The following LRCH3 variants were observed in gnomAD, a reference collection of about 807,000 sequenced individuals.
LRCH3 encodes the protein leucine rich repeats and calponin homology domain containing 3.
A neutral mutation model predicts 104.5 loss-of-function variants in LRCH3; 68 were observed. That is an observed-to-expected ratio of 0.65 (90% confidence interval 0.54 to 0.80). The LOEUF (loss-of-function observed/expected upper bound fraction) is 0.80, where lower values mean the gene tolerates loss of function less well. Among genes scored for constraint, LRCH3 ranks in the 30% least tolerant of loss-of-function variants. LRCH3 has a pLI of 0.00. For synonymous variants in LRCH3, 344 were observed against 361.3 expected (o/e 0.95, Z 0.54); for missense variants, 951 against 953.9 (o/e 1.00, Z 0.04).
chr3:197,805,158 G>T (rs1189853069), intron 1 of LRCH3, among the ~76,000 whole-genome samples: 1 of 152,204 alleles, frequency 6.6e-6, no homozygotes, highest in African/African-American at 2.4e-5. Context: ...CTCCCAAAGT[G>T]CTGGGATTAC....
chr3:197,865,237 C>T (rs997841201), intron 15 of LRCH3, among the ~76,000 whole-genome samples, 186 bp from the exon 16 acceptor site: 1 of 152,222 alleles, frequency 6.6e-6, no homozygotes, highest in East Asian at 1.9e-4. Context: ...ATCCTCGCAC[C>T]TCAGCCTCCC....
At chr3:197,813,228 C>T (rs1014612339) in intron 1 of LRCH3, among the ~76,000 whole-genome samples, 2 of 152,146 alleles carry the variant, frequency 1.3e-5, no homozygotes, top group African/African-American at 2.4e-5. Flanking sequence ...CTTTGTGTTA[C>T]AAACAATCCA....
At chr3:197,870,097 G>T (rs1711957313) in intron 17 of LRCH3, 63 bp from the exon 18 acceptor site, 1 of 1,561,434 alleles carries the variant, frequency 6.4e-7, no homozygotes, top group Non-Finnish European at 8.8e-7. Flanking sequence ...TGATGAGGCA[G>T]AGCCGGATGT....
intron 6 of LRCH3, 95 bp from the exon 7 acceptor site, chr3:197,830,675 C>T (rs1372535453): frequency 1.0e-6 from 1 of 953,138 alleles, no homozygotes; most frequent in Admixed American, 2.2e-5. Context: ...AAGTGACTGC[C>T]ACATTTCTTG....
chr3:197,835,636 T>TGG (rs1736680109), intron 8 of LRCH3, 38 bp from the exon 9 acceptor site: 2 of 1,036,026 alleles, frequency 1.9e-6, no homozygotes, highest in African/African-American at 3.3e-5. Flanking sequence ...TTTTTTCTGG[T>TGG]GTGTGTGTGT....
At chr3:197,858,372 G>T (rs1740516881) in intron 14 of LRCH3, among the ~76,000 whole-genome samples, 1 of 152,042 alleles carries the variant, frequency 6.6e-6, no homozygotes, top group Non-Finnish European at 1.5e-5. Context: ...TGAAATGCCG[G>T]TTCCTCCTTT....
intron 4 of LRCH3, among the ~76,000 whole-genome samples, chr3:197,824,834 T>G (rs1734959613): frequency 6.6e-6 from 1 of 152,130 alleles, no homozygotes; most frequent in Non-Finnish European, 1.5e-5. Flanking sequence ...CCTCCCAAAG[T>G]GCTGGGATTA....
chr3:197,883,339 A>C lies in LRCH3; in HGVS notation c.2209-202A>C. The C allele has an allele frequency of 7.3e-7, 1 of 1,371,094 alleles. No homozygotes were observed. Among genetic ancestry groups the C allele is most frequent in the South Asian group, 1.6e-5 (1 of 60,870 alleles). The allele number at this position is 1,371,094 out of a possible 1,614,324, so 84.9% of individuals were successfully genotyped here. A position where few individuals can be genotyped will look rare whatever the true frequency, so the allele number is the denominator to read the frequency against. ...TTGAAAATGATCTGTATGTACTTTT[A>C]GTTGTATTAATAAAGTGACAGTGAG... On this transcript the variant is annotated intron_variant, in intron 20 of 20. Coordinates refer to ENST00000425562, the MANE Select transcript of LRCH3 (RefSeq NM_001365715.1). This position sits in a 1 kb window ranked among gnomAD's most constrained non-coding sequence, Gnocchi z 4.2.
chr3:197,806,282 C>A (rs1252872047), intron 1 of LRCH3, among the ~76,000 whole-genome samples: 1 of 151,890 alleles, frequency 6.6e-6, no homozygotes, highest in African/African-American at 2.4e-5. Flanking sequence ...AAGAACATTT[C>A]TCTTTTTTCT....
At position 197,888,064 on chromosome 3, in the gene LRCH3, G is replaced by A. The variant is rs974477678; in HGVS notation, c.*4398G>A. 4 of 152,322 alleles carry A rather than the reference G, an allele frequency of 2.6e-5. No homozygotes were observed. The highest frequency in any genetic ancestry group is 1.9e-4 in the East Asian group (1 of 5,190). 9.4% of individuals were successfully genotyped at this position (152,322 alleles called of 1,614,324 possible). A position where few individuals can be genotyped will look rare whatever the true frequency, so the allele number is the denominator to read the frequency against. ...AAATACAGCTAATCAAGGAGTTTGCGATTTCTCTTACTTTCTACAGCTCAG... is the reference window on the plus strand; with the variant it reads ...AAATACAGCTAATCAAGGAGTTTGCAATTTCTCTTACTTTCTACAGCTCAG... On this transcript the variant is annotated 3_prime_UTR_variant, in exon 21 of 21. Coordinates refer to ENST00000425562, the MANE Select transcript of LRCH3 (RefSeq NM_001365715.1).
At position 197,817,255 on chromosome 3, in the gene LRCH3, G is replaced by A. The variant is rs868180027; in HGVS notation, c.487G>A (p.Val163Met). 1 of 1,610,960 alleles carries A rather than the reference G, an allele frequency of 6.2e-7. No individual in the cohort carries two copies. The change falls in exon 3 of 21, where the codon GTG becomes ATG. Residue 163 changes from valine to methionine, a missense_variant. Coordinates refer to ENST00000425562, the MANE Select transcript of LRCH3 (RefSeq NM_001365715.1). ...KVLIASNNKLVSLPEEIGHLR... is the reference protein window; with the variant it reads ...KVLIASNNKLMSLPEEIGHLR... ...CTTAATTGCTAGTAATAACAAATTG[G>A]TGTCACTTCCAGAAGAAATTGGACA...
chr3:197,843,930 A>G (rs1252840653), intron 10 of LRCH3, among the ~76,000 whole-genome samples: 2 of 152,220 alleles, frequency 1.3e-5, no homozygotes, highest in African/African-American at 4.8e-5. Context: ...GATGTAGACA[A>G]ATATATGTAA....
At chr3:197,821,180 C>T (rs1054815400) in intron 4 of LRCH3, among the ~76,000 whole-genome samples, 9 of 152,062 alleles carry the variant, frequency 5.9e-5, no homozygotes, top group Non-Finnish European at 1.2e-4. Context: ...TGAACTTAAC[C>T]GGTCACTGGA....
chr3:197,816,052 A>G (rs1733757027), intron 2 of LRCH3, among the ~76,000 whole-genome samples: 1 of 152,118 alleles, frequency 6.6e-6, no homozygotes, highest in South Asian at 2.1e-4. Context: ...CCAGTTTTTC[A>G]CCATGATAAA....
At chr3:197,872,306 G>A (rs1299937061) in intron 19 of LRCH3, among the ~76,000 whole-genome samples, 1 of 149,026 alleles carries the variant, frequency 6.7e-6, no homozygotes, top group South Asian at 2.1e-4. Flanking sequence ...GCAGTGAGCC[G>A]TGATTGTGCC....
chr3:197,840,449 T>G (rs1737635379), intron 10 of LRCH3, among the ~76,000 whole-genome samples: 1 of 139,098 alleles, frequency 7.2e-6, no homozygotes, highest in South Asian at 2.3e-4. Flanking sequence ...AGACTGAGAC[T>G]CCATCTCAAA....
Position 197,861,965 on chromosome 3 carries a change from C to T in LRCH3, c.1716+3060C>T, listed in dbSNP as rs1740934711. The stretch of plus-strand genomic sequence containing the variant: ...TCCTCTGGCTTTGTTTTCATCACGC[C>T]CAGTAGTATATTATCTGTTGCTGTT... On this transcript the variant is annotated intron_variant, in intron 15 of 20. Coordinates refer to ENST00000425562, the MANE Select transcript of LRCH3 (RefSeq NM_001365715.1). Among the ~76,000 whole-genome samples the T allele has an allele frequency of 2.0e-5, 3 of 152,184 alleles. No individual in the cohort carries two copies. In the South Asian group the frequency reaches 6.2e-4, roughly 32 times the overall value.
rs1361028607 is a variant in LRCH3 at position 197,810,451 on chromosome 3, CTATTT to C, written c.263-4450_263-4446del. ...TACAGGCATGAGCTACCGTGCCTGG[CTATTT>C]TATTTTTAAACTTGGAGAGGTCAGC... On this transcript the variant is annotated intron_variant, in intron 1 of 20. Coordinates refer to ENST00000425562, the MANE Select transcript of LRCH3 (RefSeq NM_001365715.1). The surrounding 1 kb of genome is among the most constrained non-coding windows in gnomAD (Gnocchi z 4.0). Among the ~76,000 whole-genome samples the C allele has an allele frequency of 1.3e-5, 2 of 152,280 alleles. No homozygotes were observed. The highest frequency in any genetic ancestry group is 1.3e-4 in the Admixed American group (2 of 15,274).
intron 7 of LRCH3, among the ~76,000 whole-genome samples, chr3:197,831,981 C>T (rs115878981): frequency 7.3e-4 from 111 of 152,180 alleles, no homozygotes; most frequent in African/African-American, 2.6e-3. Flanking sequence ...GTGGTGGAAT[C>T]CTGTCTCATT....
Sources: allele counts gnomAD v4.1 joint callset (sites outside exome capture counted in the v4.1 genomes callset), GRCh38; gene constraint gnomAD v4.1.1; non-coding constraint Gnocchi (gnomAD v3.1); transcripts MANE v1.5; gene names NCBI Gene and HGNC (gene_info 2026-07-23, HGNC 2026-07-21).